Variants in SHISA9 observed in about 807,000 individuals in gnomAD.
SHISA9 encodes protein shisa-9.
A neutral mutation model predicts 38.0 loss-of-function variants in SHISA9; 13 were observed. The ratio of observed to expected loss-of-function variants is 0.34; its 90% CI spans 0.22 to 0.54. The LOEUF is 0.54. Ranked by LOEUF, SHISA9 falls within the 20% of genes least tolerant of loss-of-function variation. The pLI is 0.91. For synonymous variants in SHISA9, 275 were observed against 242.0 expected, an observed-to-expected ratio of 1.14 and a Z score of -1.27; for missense variants, 538 against 575.8, an observed-to-expected ratio of 0.93 and a Z score of 0.67.
the SHISA9 span, among the ~76,000 whole-genome samples, chr16:13,301,122 T>C: frequency 2.0e-5 from 3 of 152,170 alleles, no homozygotes; most frequent in Admixed American, 1.3e-4. Flanking sequence ...CAGAGTTCCC[T>C]GTGGAAGTGC....
At chr16:13,232,721 A>C (rs2819682) in intron 4 of SHISA9, among the ~76,000 whole-genome samples, 27,104 of 152,182 alleles carry the variant, frequency 0.18, 2,721 homozygotes, top group Admixed American at 0.31. Flanking sequence ...TCAAGGCTAT[A>C]GGTAAATGTA....
chr16:13,131,152 A>T (rs1266836954), intron 2 of SHISA9, among the ~76,000 whole-genome samples: 2 of 152,216 alleles, frequency 1.3e-5, no homozygotes, highest in African/African-American at 4.8e-5. Flanking sequence ...TATTATAAAG[A>T]TACATGCATG....
the SHISA9 span, among the ~76,000 whole-genome samples, chr16:13,448,237 G>A: frequency 2.9e-4 from 44 of 152,306 alleles, no homozygotes; most frequent in African/African-American, 7.9e-4. Context: ...CCTATAGAGA[G>A]CATGCACATG....
At chr16:13,406,285 C>T in the SHISA9 span, among the ~76,000 whole-genome samples, 1 of 152,186 alleles carries the variant, frequency 6.6e-6, no homozygotes, top group African/African-American at 2.4e-5. Flanking sequence ...ATAGCTCACA[C>T]TCTGTCTCTA....
At chr16:13,174,656 G>A (rs528677200) in intron 2 of SHISA9, among the ~76,000 whole-genome samples, 11 of 152,292 alleles carry the variant, frequency 7.2e-5, no homozygotes, top group African/African-American at 2.6e-4. Flanking sequence ...GACTTGAGAG[G>A]GTGAGTAGCA....
the SHISA9 span, among the ~76,000 whole-genome samples, chr16:13,314,905 A>G: frequency 5.3e-5 from 8 of 152,198 alleles, no homozygotes; most frequent in Non-Finnish European, 1.2e-4. Context: ...CTGCTCTACA[A>G]TATAGAACCT....
the SHISA9 span, among the ~76,000 whole-genome samples, chr16:13,313,254 CAAAAA>C: frequency 2.0e-5 from 1 of 49,670 alleles, no homozygotes; most frequent in Non-Finnish European, 4.7e-5. Flanking sequence ...GACTCCGTCT[CAAAAA>C]AAAAAAAAAA....
chr16:13,165,438 C>T (rs906776429), intron 2 of SHISA9, among the ~76,000 whole-genome samples: 1 of 152,110 alleles, frequency 6.6e-6, no homozygotes, highest in Admixed American at 6.5e-5. Flanking sequence ...GAATTTGCTT[C>T]AAATGAAGTA....
At chr16:13,059,513 C>G (rs913849955) in intron 2 of SHISA9, among the ~76,000 whole-genome samples, 6 of 152,020 alleles carry the variant, frequency 3.9e-5, no homozygotes, top group Admixed American at 1.3e-4. Flanking sequence ...TGGGGCCTGT[C>G]AGAAGGTTCA....
rs117772659 is a variant in SHISA9, at chr16:13,216,866, G to A, written c.895+3566G>A. On this transcript the variant is annotated intron_variant, in intron 4 of 4. Transcript: ENST00000558583. ...TACGATTTATTTTTCACCACCTAGG[G>A]CTTCCCATGCAAGTTGCCCCCTAGT... Among the ~76,000 whole-genome samples the A allele has an allele frequency of 1.8e-4, 28 of 152,244 alleles. No individual in the cohort carries two copies. In the East Asian group the frequency reaches 5.2e-3, roughly 28 times the overall value.
At chr16:13,254,304 A>T in the SHISA9 span, among the ~76,000 whole-genome samples, 1 of 152,220 alleles carries the variant, frequency 6.6e-6, no homozygotes, top group Non-Finnish European at 1.5e-5. Context: ...CAAGTCTATC[A>T]TCTGGTCCAA....
At chr16:13,141,271 G>A (rs2050399391) in intron 2 of SHISA9, among the ~76,000 whole-genome samples, 1 of 152,166 alleles carries the variant, frequency 6.6e-6, no homozygotes, top group South Asian at 2.1e-4. Flanking sequence ...TTAAACAAGA[G>A]ACTTAAATTC....
chr16:13,421,075 T>G, the SHISA9 span, among the ~76,000 whole-genome samples: 10 of 152,188 alleles, frequency 6.6e-5, no homozygotes, highest in African/African-American at 2.4e-4. Flanking sequence ...AGGGAGCATT[T>G]GAAGTGATCC....
the SHISA9 span, among the ~76,000 whole-genome samples, chr16:13,560,225 C>T: frequency 1.6e-4 from 25 of 152,178 alleles, no homozygotes; most frequent in African/African-American, 2.4e-5. Flanking sequence ...CCCAACACAG[C>T]ATTCAGAAGA....
the SHISA9 span, among the ~76,000 whole-genome samples, chr16:13,418,618 G>T: frequency 6.6e-6 from 1 of 152,186 alleles, no homozygotes; most frequent in Non-Finnish European, 1.5e-5. Context: ...CCCATGGAGA[G>T]AGCAGAAGCT....
At chr16:13,448,277 G>A in the SHISA9 span, among the ~76,000 whole-genome samples, 1 of 152,206 alleles carries the variant, frequency 6.6e-6, no homozygotes, top group Non-Finnish European at 1.5e-5. Context: ...AGTGCAAAAG[G>A]CCAGATTTCC....
chr16:13,226,420 G>A (rs1185744875), intron 4 of SHISA9, among the ~76,000 whole-genome samples: 3 of 152,178 alleles, frequency 2.0e-5, no homozygotes, highest in African/African-American at 7.2e-5. Flanking sequence ...AAATGAATAG[G>A]CATGAATGAT....
rs1199526820 is a variant in SHISA9 at position 12,970,402 on chromosome 16, TACATATATATATATAC to T, written c.691+53596_691+53611del. Among the ~76,000 whole-genome samples, 55 of 7,320 alleles carry T rather than the reference TACATATATATATATAC, an allele frequency of 7.5e-3. 3 individuals carry two copies. The highest frequency in any genetic ancestry group is 0.025 in the South Asian group (5 of 202). 4.8% of individuals were successfully genotyped at this position (7,320 alleles called of 152,430 possible). On this transcript the variant is annotated intron_variant, in intron 2 of 4. Coordinates refer to ENST00000558583, the MANE Select transcript of SHISA9 (RefSeq NM_001145204.3). ...ATATACATATATGTATATATATATA[TACATATATATATATAC>T]ACATATATGTATATATATATACACA...
chr16:13,061,494 C>G (rs1156916931), intron 2 of SHISA9, among the ~76,000 whole-genome samples: 1 of 152,168 alleles, frequency 6.6e-6, no homozygotes, highest in African/African-American at 2.4e-5. Flanking sequence ...GGTTTATGCA[C>G]TGTCCGGATT....
Sources: gnomAD v4.1 joint callset for allele counts (sites outside exome capture counted in the v4.1 genomes callset) on GRCh38, gnomAD v4.1.1 for gene constraint, MANE v1.5 for transcripts, NCBI Gene and HGNC (gene_info 2026-07-23, HGNC 2026-07-21) for gene names.